Variants in CDH13 observed in about 807,000 individuals in gnomAD.
The protein encoded by CDH13 is cadherin-13.
A neutral mutation model predicts 63.8 loss-of-function variants in CDH13; 24 were observed. The observed-to-expected ratio is 0.38, with a 90% CI of 0.27 to 0.53. The LOEUF is 0.53. Ranked by LOEUF, CDH13 falls within the 20% of genes least tolerant of loss-of-function variation. CDH13 has a pLI of 0.85. For missense variants in CDH13, 1,049 were observed against 903.1 expected (o/e 1.16, Z -2.07); for synonymous variants, 503 against 355.3 (o/e 1.42, Z -4.67).
chr16:82,638,823 T>TGTGTGTGTGCGTGTGTGTGTGTGTGCGC (rs139451683), intron 1 of CDH13, among the ~76,000 whole-genome samples: 4 of 150,790 alleles, frequency 2.7e-5, no homozygotes, highest in African/African-American at 9.8e-5. Context: ...GGGCAGTGTG[T>TGTGTGTGTGCGTGTGTGTGTGTGTGCGC]GCGTGTGTGC....
intron 1 of CDH13, among the ~76,000 whole-genome samples, chr16:82,784,255 G>C (rs998696314): frequency 3.9e-5 from 6 of 152,176 alleles, no homozygotes; most frequent in African/African-American, 1.4e-4. Flanking sequence ...TCTTCAAAGT[G>C]ACCTTAGACG....
At chr16:82,721,007 C>A (rs1036239272) in intron 1 of CDH13, among the ~76,000 whole-genome samples, 2 of 152,154 alleles carry the variant, frequency 1.3e-5, no homozygotes, top group East Asian at 1.9e-4. Context: ...TGGGATGAAG[C>A]CATGATAATT....
At chr16:83,469,918 C>A (rs1164243519) in intron 6 of CDH13, among the ~76,000 whole-genome samples, 1 of 152,196 alleles carries the variant, frequency 6.6e-6, no homozygotes, top group Non-Finnish European at 1.5e-5. Flanking sequence ...TTTCTCCAAA[C>A]CCCTACAGGC....
chr16:83,313,666 A>T (rs12148981), intron 5 of CDH13, among the ~76,000 whole-genome samples: 38,801 of 144,070 alleles, frequency 0.27, 5,773 homozygotes, highest in Admixed American at 0.32. Flanking sequence ...AAAAAAAAAA[A>T]GGGAGGTCCT....
intron 5 of CDH13, among the ~76,000 whole-genome samples, chr16:83,250,682 AG>A (rs1905421181): frequency 3.9e-5 from 6 of 152,192 alleles, no homozygotes; most frequent in South Asian, 4.1e-4. Context: ...AGGATTGTTT[AG>A]TGAATAAATC....
chr16:82,971,520 G>A (rs954270651), intron 2 of CDH13, among the ~76,000 whole-genome samples: 8 of 152,156 alleles, frequency 5.3e-5, no homozygotes, highest in Admixed American at 1.3e-4. Context: ...CAAGTGCATC[G>A]AAGAATAGGC....
intron 6 of CDH13, among the ~76,000 whole-genome samples, chr16:83,456,641 A>G (rs2073031941): frequency 2.0e-5 from 3 of 152,276 alleles, no homozygotes; most frequent in South Asian, 4.2e-4. Context: ...ATGTTTAGGA[A>G]GCAGTGAATG....
intron 4 of CDH13, among the ~76,000 whole-genome samples, chr16:83,157,985 A>T (rs868556801): frequency 1.3e-4 from 20 of 152,098 alleles, no homozygotes; most frequent in African/African-American, 4.3e-4. Flanking sequence ...TCTAGAAAAG[A>T]GCACTAGCAG....
At chr16:83,532,808 C>T (rs2075109312) in intron 7 of CDH13, among the ~76,000 whole-genome samples, 1 of 152,206 alleles carries the variant, frequency 6.6e-6, no homozygotes, top group African/African-American at 2.4e-5. Flanking sequence ...CCCATTAAGC[C>T]ATGTGAACCC....
chr16:82,975,994 C>A (rs150461486), intron 2 of CDH13, among the ~76,000 whole-genome samples: 1 of 152,168 alleles, frequency 6.6e-6, no homozygotes, highest in East Asian at 1.9e-4. Flanking sequence ...ATTGCATAAA[C>A]GACGGAAAAC....
intron 2 of CDH13, among the ~76,000 whole-genome samples, chr16:82,981,270 T>C (rs958828110): frequency 7.2e-5 from 11 of 152,216 alleles, no homozygotes; most frequent in Non-Finnish European, 1.5e-4. Flanking sequence ...GTTTGTGTCC[T>C]GATAAATGTA....
intron 4 of CDH13, among the ~76,000 whole-genome samples, chr16:83,206,099 T>C (rs984925984): frequency 6.6e-6 from 1 of 152,076 alleles, no homozygotes; most frequent in Non-Finnish European, 1.5e-5. Flanking sequence ...GGGTGACTCA[T>C]ACATGGCCTA....
At chr16:82,856,971 T>C (rs2039728021) in intron 1 of CDH13, among the ~76,000 whole-genome samples, 1 of 152,152 alleles carries the variant, frequency 6.6e-6, no homozygotes, top group Non-Finnish European at 1.5e-5. Context: ...ACTCCCAGGA[T>C]GTTAATTTCC....
chr16:83,308,644 C>G (rs373588794), intron 5 of CDH13, among the ~76,000 whole-genome samples: 3 of 152,190 alleles, frequency 2.0e-5, no homozygotes, highest in South Asian at 2.1e-4. Context: ...ATGGAAAGAA[C>G]CTTTCCTAAG....
chr16:82,920,173 C>T (rs930502811), intron 2 of CDH13, among the ~76,000 whole-genome samples: 2 of 152,104 alleles, frequency 1.3e-5, no homozygotes, highest in Non-Finnish European at 1.5e-5. Flanking sequence ...CAGATGGCAC[C>T]CTCCACCAGG....
intron 1 of CDH13, among the ~76,000 whole-genome samples, chr16:82,781,345 G>T (rs776751629): frequency 1.3e-5 from 2 of 152,038 alleles, no homozygotes; most frequent in Non-Finnish European, 2.9e-5. Context: ...GCTTGCTGGT[G>T]GTTCAGGTTT....
intron 10 of CDH13, among the ~76,000 whole-genome samples, chr16:83,737,575 T>C (rs1361109727): frequency 6.6e-6 from 1 of 152,156 alleles, no homozygotes; most frequent in Non-Finnish European, 1.5e-5. Flanking sequence ...TATTCCCCAC[T>C]AAGGAAAGCC....
intron 3 of CDH13, 106 bp downstream of exon 3, chr16:83,032,324 T>C: frequency 1.2e-6 from 1 of 815,640 alleles, no homozygotes; most frequent in South Asian, 2.0e-5. Flanking sequence ...AAGATTCCTT[T>C]TGTTATTGTT....
In CDH13 at chr16:83,126,906, A is replaced by C. The variant is rs575925472; in HGVS notation, c.483+1405A>C. ...AACAAGAACATTGCAGAGTATGACAAATGCTGTGAAAATCAGCAATGGGAT... is the reference window on the plus strand; with the variant it reads ...AACAAGAACATTGCAGAGTATGACACATGCTGTGAAAATCAGCAATGGGAT... On this transcript the variant is annotated intron_variant, in intron 4 of 13. Coordinates refer to ENST00000567109, the MANE Select transcript of CDH13 (RefSeq NM_001257.5). Among the ~76,000 whole-genome samples the C allele has an allele frequency of 5.3e-5, 8 of 152,312 alleles. No homozygotes were observed. The East Asian group carries it at 9.7e-4, about 18-fold the overall frequency.
Sources: gnomAD v4.1 joint callset for allele counts (sites outside exome capture counted in the v4.1 genomes callset) on GRCh38, gnomAD v4.1.1 for gene constraint, MANE v1.5 for transcripts, NCBI Gene and HGNC (gene_info 2026-07-23, HGNC 2026-07-21) for gene names.